CNTNAP4: variants seen among roughly 807,000 people sequenced by gnomAD.
CNTNAP4 encodes the protein contactin associated protein family member 4, also known as contactin-associated protein-like 4.
In CNTNAP4, 98 loss-of-function variants were observed where a neutral mutation model predicts 148.4. The observed-to-expected ratio is 0.66, with a 90% confidence interval of 0.56 to 0.78. CNTNAP4 has a LOEUF of 0.78. CNTNAP4 is among the 30% of genes least tolerant of loss of function. The pLI, the probability that CNTNAP4 is intolerant of heterozygous loss-of-function variation, is 0.00. For synonymous variants in CNTNAP4, 730 were observed against 565.1 expected, an observed-to-expected ratio of 1.29 and a Z score of -4.14; for missense variants, 1,935 against 1,565.6, an observed-to-expected ratio of 1.24 and a Z score of -3.98.
intron 3 of CNTNAP4, among the ~76,000 whole-genome samples, chr16:76,378,129 A>G (rs943536882): frequency 1.3e-5 from 2 of 152,128 alleles, no homozygotes; most frequent in Admixed American, 1.3e-4. Context: ...GAGATTCTAA[A>G]AAGAGGGAGG....
At chr16:76,467,058 A>T (rs1022804592) in intron 9 of CNTNAP4, among the ~76,000 whole-genome samples, 1 of 152,156 alleles carries the variant, frequency 6.6e-6, no homozygotes, top group East Asian at 1.9e-4. Flanking sequence ...GCTGGCTGGC[A>T]TGTTTAGGAT....
At chr16:76,394,174 G>C (rs1366929047) in intron 3 of CNTNAP4, among the ~76,000 whole-genome samples, 1 of 152,194 alleles carries the variant, frequency 6.6e-6, no homozygotes, top group Admixed American at 6.5e-5. Flanking sequence ...CATCGTGAGA[G>C]ACTCTGATCT....
At chr16:76,479,687 A>G (rs551130102) in intron 12 of CNTNAP4, 149 bp downstream of exon 12, 24 of 759,834 alleles carry the variant, frequency 3.2e-5, no homozygotes, top group Middle Eastern at 3.5e-4. Context: ...TAAATCTTAA[A>G]AAAATAATTA....
At chr16:76,297,536 T>A (rs892743273) in intron 1 of CNTNAP4, among the ~76,000 whole-genome samples, 1 of 152,204 alleles carries the variant, frequency 6.6e-6, no homozygotes, top group Non-Finnish European at 1.5e-5. Flanking sequence ...AAGATAATTT[T>A]ATTTGATTTA....
chr16:76,541,768 A>C (rs1597114009), intron 21 of CNTNAP4, among the ~76,000 whole-genome samples: 1 of 152,230 alleles, frequency 6.6e-6, no homozygotes, highest in Non-Finnish European at 1.5e-5. Context: ...TTCAAGTGCT[A>C]TGATGAGCAC....
chr16:76,506,477 T>C (rs1460475186), intron 15 of CNTNAP4, among the ~76,000 whole-genome samples: 4 of 30,138 alleles, frequency 1.3e-4, no homozygotes, highest in African/African-American at 1.9e-4. Flanking sequence ...CTTCCGTTCC[T>C]TTTTTTTTTT....
chr16:76,485,337 G>A (rs544455723), intron 12 of CNTNAP4, among the ~76,000 whole-genome samples: 3 of 151,896 alleles, frequency 2.0e-5, no homozygotes, highest in South Asian at 2.1e-4. Flanking sequence ...GGCTGGTCTC[G>A]AACTCCCGAC....
chr16:76,396,653 A>T (rs781295928), intron 3 of CNTNAP4, among the ~76,000 whole-genome samples: 1 of 152,168 alleles, frequency 6.6e-6, no homozygotes, highest in Non-Finnish European at 1.5e-5. Context: ...GTAAAACATC[A>T]TCCTCACTCA....
rs188166436 is a variant in CNTNAP4, at chr16:76,325,137, T to C, written c.196+8614T>C. On this transcript the variant is annotated intron_variant, in intron 2 of 23. Coordinates refer to ENST00000611870, the MANE Select transcript of CNTNAP4 (RefSeq NM_033401.5). ...AGTTTTAAAAATATGTAAAGGAAAA[T>C]GGACAGAAATAATAGAGGTAGACAG... Among the ~76,000 whole-genome samples, 929 of 152,124 alleles carry C rather than the reference T, an allele frequency of 6.1e-3. 7 individuals are homozygous for C. Among genetic ancestry groups the C allele is most frequent in the Non-Finnish European group, 7.3e-3 (498 of 67,992 alleles).
At chr16:76,350,724 A>G (rs369080242) in intron 2 of CNTNAP4, among the ~76,000 whole-genome samples, 29 of 152,352 alleles carry the variant, frequency 1.9e-4, no homozygotes, top group Non-Finnish European at 4.0e-4. Context: ...GGAGAAATCA[A>G]TAGGCACTTA....
chr16:76,524,245 A>C (rs908150883), intron 17 of CNTNAP4, among the ~76,000 whole-genome samples: 3 of 152,192 alleles, frequency 2.0e-5, no homozygotes, highest in Admixed American at 2.0e-4. Flanking sequence ...GACTTACTTA[A>C]GGGTATGAAA....
At chr16:76,365,342 A>G (rs954859679) in intron 3 of CNTNAP4, among the ~76,000 whole-genome samples, 2 of 152,102 alleles carry the variant, frequency 1.3e-5, no homozygotes, top group African/African-American at 4.8e-5. Flanking sequence ...GCTTAGGATT[A>G]TCTTGGCTAT....
At chr16:76,354,941 T>C (rs1464232023) in intron 2 of CNTNAP4, among the ~76,000 whole-genome samples, 2 of 152,200 alleles carry the variant, frequency 1.3e-5, no homozygotes, top group Admixed American at 1.3e-4. Flanking sequence ...TTGAAGTTAC[T>C]TCCTTACATC....
At chr16:76,368,539 G>T (rs976460859) in intron 3 of CNTNAP4, among the ~76,000 whole-genome samples, 4 of 152,086 alleles carry the variant, frequency 2.6e-5, no homozygotes, top group Non-Finnish European at 5.9e-5. Context: ...GGATGAAGCT[G>T]GAAACCATCA....
chr16:76,556,980 C>G (rs1238800013), intron 23 of CNTNAP4, among the ~76,000 whole-genome samples: 1 of 152,140 alleles, frequency 6.6e-6, no homozygotes, highest in African/African-American at 2.4e-5. Flanking sequence ...CTTTGACTTC[C>G]TCGCACTCCG....
intron 3 of CNTNAP4, among the ~76,000 whole-genome samples, chr16:76,362,582 A>G (rs545742560): frequency 3.9e-5 from 6 of 152,354 alleles, no homozygotes; most frequent in East Asian, 1.9e-4. Context: ...AAAACAGCAT[A>G]AAGTCCAGAA....
intron 15 of CNTNAP4, among the ~76,000 whole-genome samples, chr16:76,516,262 G>A (rs545877035): frequency 6.6e-6 from 1 of 152,172 alleles, no homozygotes; most frequent in Non-Finnish European, 1.5e-5. Context: ...TCCCTGCAAA[G>A]GACATTAACT....
At chr16:76,496,134 A>G (rs970285655) in intron 14 of CNTNAP4, among the ~76,000 whole-genome samples, 2 of 132,582 alleles carry the variant, frequency 1.5e-5, no homozygotes, top group Non-Finnish European at 3.4e-5. Flanking sequence ...AATTGCACTT[A>G]CTTTTAGTGT....
At chr16:76,328,038 T>A (rs62049724) in intron 2 of CNTNAP4, among the ~76,000 whole-genome samples, 162 of 152,282 alleles carry the variant, frequency 1.1e-3, no homozygotes, top group Non-Finnish European at 2.1e-3. Context: ...ACGAAATGCT[T>A]CCTGATTCCT....
Sources: gnomAD v4.1 joint callset for allele counts (sites outside exome capture counted in the v4.1 genomes callset) on GRCh38, gnomAD v4.1.1 for gene constraint, MANE v1.5 for transcripts, NCBI Gene and HGNC (gene_info 2026-07-23, HGNC 2026-07-21) for gene names.